MTMR10: variants seen among roughly 807,000 people sequenced by gnomAD.
MTMR10 encodes myotubularin-related protein 10.
MTMR10 carries 56 observed loss-of-function variants against 88.1 expected under a neutral mutation model. The ratio of observed to expected loss-of-function variants is 0.64; its 90% CI spans 0.51 to 0.79. The LOEUF (loss-of-function observed/expected upper bound fraction) is 0.79, where lower values mean the gene tolerates loss of function less well. Among genes scored for constraint, MTMR10 ranks in the 30% least tolerant of loss-of-function variants. The probability of loss-of-function intolerance (pLI) is 0.00; values close to 1 mark genes in which losing one functional copy is unlikely to be tolerated. For synonymous variants in MTMR10, 380 were observed against 340.9 expected, an observed-to-expected ratio of 1.11 and a Z score of -1.26; for missense variants, 883 against 924.7, an observed-to-expected ratio of 0.95 and a Z score of 0.58.
At chr15:30,969,287 A>G (rs1225281036) in intron 5 of MTMR10, among the ~76,000 whole-genome samples, 1 of 152,120 alleles carries the variant, frequency 6.6e-6, no homozygotes, top group Non-Finnish European at 1.5e-5. Flanking sequence ...GCTTCTTGAA[A>G]CTTACGTGGT....
chr15:30,966,089 T>C (rs1380655082), intron 6 of MTMR10: 2 of 452,590 alleles, frequency 4.4e-6, no homozygotes, highest in Non-Finnish European at 8.9e-6. Flanking sequence ...ACGAGGAATC[T>C]TAACAAAACT....
intron 2 of MTMR10, among the ~76,000 whole-genome samples, chr15:30,983,276 C>T (rs935845258): frequency 4.6e-5 from 7 of 152,070 alleles, no homozygotes; most frequent in Admixed American, 6.5e-5. Context: ...CTTCAGTGTG[C>T]GGTAAGCAAA....
At chr15:30,923,686 G>A in the MTMR10 span, among the ~76,000 whole-genome samples, 2 of 152,308 alleles carry the variant, frequency 1.3e-5, no homozygotes, top group East Asian at 3.9e-4. Context: ...GCCGCTGCCC[G>A]GCACCGTCTT....
intron 2 of MTMR10, among the ~76,000 whole-genome samples, chr15:30,984,591 C>T (rs867028729): frequency 6.6e-6 from 1 of 152,174 alleles, no homozygotes; most frequent in African/African-American, 2.4e-5. Context: ...AAGAACAGTA[C>T]GGGCCAGTGA....
In MTMR10 at chr15:30,973,702, A is replaced by C. The variant is rs111864955; in HGVS notation, c.474+612T>G. 3.6e-3 allele frequency among the ~76,000 whole-genome samples: 543 copies of C among 152,116 alleles called. 1 individual carries two copies. Among genetic ancestry groups the C allele is most frequent in the African/African-American group, 0.012 (499 of 41,502 alleles). ...GGGCCATATTAGGTCTACCAGCTTCACTCCTCTGGCAAAGCAAAACATGGA... is the reference window on the plus strand; with the variant it reads ...GGGCCATATTAGGTCTACCAGCTTCCCTCCTCTGGCAAAGCAAAACATGGA... On this transcript the variant is annotated intron_variant, in intron 5 of 15. Coordinates refer to ENST00000435680, the MANE Select transcript of MTMR10 (RefSeq NM_017762.3).
intron 14 of MTMR10, 150 bp from the exon 15 acceptor site, chr15:30,943,222 A>G (rs1429323283): frequency 1.4e-6 from 2 of 1,400,422 alleles, no homozygotes; most frequent in Non-Finnish European, 1.8e-6. Flanking sequence ...TCAAGAGAGG[A>G]GACGCTCCTG....
intron 2 of MTMR10, among the ~76,000 whole-genome samples, chr15:30,982,969 T>C (rs1193022519): frequency 2.0e-5 from 3 of 152,230 alleles, no homozygotes; most frequent in Non-Finnish European, 4.4e-5. Flanking sequence ...AAGAAGGTAC[T>C]GAGACTGCTC....
chr15:30,953,233 G>A (rs1260221883), intron 11 of MTMR10, among the ~76,000 whole-genome samples: 1 of 152,152 alleles, frequency 6.6e-6, no homozygotes, highest in African/African-American at 2.4e-5. Flanking sequence ...CTATAAGAAG[G>A]CTAGCACAGG....
At chr15:30,962,848 A>G (rs2063420812) in intron 6 of MTMR10, among the ~76,000 whole-genome samples, 1 of 152,262 alleles carries the variant, frequency 6.6e-6, no homozygotes. Context: ...GGGCAGGAAA[A>G]GCTTCATGAC....
intron 5 of MTMR10, among the ~76,000 whole-genome samples, chr15:30,972,909 T>C (rs1218738904): frequency 6.6e-6 from 1 of 152,158 alleles, no homozygotes; most frequent in East Asian, 1.9e-4. Flanking sequence ...AGAGATCCGG[T>C]CAATTGCATC....
chr15:30,926,350 C>CT, the MTMR10 span, among the ~76,000 whole-genome samples: 1 of 152,214 alleles, frequency 6.6e-6, no homozygotes, highest in Admixed American at 6.5e-5. Flanking sequence ...ATGCTAGTCG[C>CT]TTTCGGGAAC....
At chr15:30,977,512 T>G (rs2030241298) in intron 2 of MTMR10, among the ~76,000 whole-genome samples, 1 of 152,178 alleles carries the variant, frequency 6.6e-6, no homozygotes, top group Non-Finnish European at 1.5e-5. Flanking sequence ...AAAGAAAAGA[T>G]TAAAAGAAAT....
intron 2 of MTMR10, among the ~76,000 whole-genome samples, chr15:30,980,351 G>A (rs1336722518): frequency 6.6e-6 from 1 of 152,208 alleles, no homozygotes; most frequent in Non-Finnish European, 1.5e-5. Flanking sequence ...AGGTTTAACT[G>A]CTGTACTGCC....
the MTMR10 span, chr15:30,929,111 C>T: frequency 4.5e-5 from 49 of 1,082,522 alleles, no homozygotes; most frequent in Middle Eastern, 6.0e-4. Context: ...ATCGGTTGGC[C>T]GGTTTCCAAG....
At chr15:30,960,637 A>AG (rs1435562263) in intron 7 of MTMR10, among the ~76,000 whole-genome samples, 1 of 152,246 alleles carries the variant, frequency 6.6e-6, no homozygotes, top group Non-Finnish European at 1.5e-5. Flanking sequence ...ACCAGTTACA[A>AG]GATATAATGC....
chr15:30,984,357 T>C (rs949111403), intron 2 of MTMR10, among the ~76,000 whole-genome samples: 3 of 152,224 alleles, frequency 2.0e-5, no homozygotes, highest in Non-Finnish European at 2.9e-5. Context: ...AATGCTAAGA[T>C]AGTACAGTTA....
rs1419974128 is a variant in MTMR10 at position 30,940,496 on chromosome 15, T to C, written c.*974A>G. 2 of 985,346 alleles carry C rather than the reference T, an allele frequency of 2.0e-6. No individual in the cohort carries two copies. The highest frequency in any genetic ancestry group is 1.2e-6 in the Non-Finnish European group (1 of 829,962). The allele number at this position is 985,346 out of a possible 1,614,324, so 61.0% of individuals were successfully genotyped here. ...GCCCAACTCGTAACCTCATTAGTTA[T>C]TTCCAGGGGGAAGTGCCAGCAATAG... is the stretch of plus-strand genomic sequence containing the variant. On this transcript the variant is annotated 3_prime_UTR_variant, in exon 16 of 16. Coordinates refer to ENST00000435680, the MANE Select transcript of MTMR10 (RefSeq NM_017762.3).
At chr15:30,947,764 C>T (rs926757610) in intron 13 of MTMR10, among the ~76,000 whole-genome samples, 1 of 152,148 alleles carries the variant, frequency 6.6e-6, no homozygotes, top group Non-Finnish European at 1.5e-5. Context: ...AGTGCAGTAG[C>T]GGGTGACCAC....
At chr15:30,966,446 C>A (rs2063473008) in intron 6 of MTMR10, among the ~76,000 whole-genome samples, 2 of 152,166 alleles carry the variant, frequency 1.3e-5, no homozygotes, top group Non-Finnish European at 2.9e-5. Flanking sequence ...GATCTGTAAA[C>A]TGAAATGAAT....
Sources: allele counts gnomAD v4.1 joint callset (sites outside exome capture counted in the v4.1 genomes callset), GRCh38; gene constraint gnomAD v4.1.1; transcripts MANE v1.5; gene names NCBI Gene and HGNC (gene_info 2026-07-23, HGNC 2026-07-21).